SGCZ: variants seen among roughly 807,000 people sequenced by gnomAD.
SGCZ encodes the protein sarcoglycan zeta.
In SGCZ, 40 loss-of-function variants were observed where a neutral mutation model predicts 41.3. The observed-to-expected ratio is 0.97, with a 90% CI of 0.75 to 1.26. The LOEUF is 1.26. Among genes scored for constraint, SGCZ ranks in the 50% most tolerant of loss-of-function variants. SGCZ has a pLI of 0.00. For synonymous variants in SGCZ, 206 were observed against 137.5 expected (o/e 1.50, Z -3.49); for missense variants, 552 against 369.8 (o/e 1.49, Z -4.04).
At chr8:14,796,335 A>G (rs906695622) in intron 1 of SGCZ, among the ~76,000 whole-genome samples, 15 of 152,000 alleles carry the variant, frequency 9.9e-5, no homozygotes, top group African/African-American at 2.9e-4. Context: ...CCAGGCTGGT[A>G]TTGGAACTCC....
rs929501715 is a variant in SGCZ, at chr8:14,741,418, C to G, written c.40-186492G>C. On this transcript the variant is annotated intron_variant, in intron 1 of 7. Transcript: ENST00000382080. ...CATATTTTTCCATTCTATCCTTTCTCTCTTCTAAATAGATGACACTTTTGT... is the reference window on the plus strand; with the variant it reads ...CATATTTTTCCATTCTATCCTTTCTGTCTTCTAAATAGATGACACTTTTGT... Among the ~76,000 whole-genome samples, 4 of 152,030 alleles carry G rather than the reference C, an allele frequency of 2.6e-5. 1 individual carries two copies. The highest frequency in any genetic ancestry group is 4.1e-4 in the South Asian group (2 of 4,834).
At chr8:14,499,750 C>G (rs536183671) in intron 2 of SGCZ, among the ~76,000 whole-genome samples, 1 of 151,780 alleles carries the variant, frequency 6.6e-6, no homozygotes, top group African/African-American at 2.4e-5. Context: ...CTGTATCTTC[C>G]CCTTATCAAT....
At chr8:14,346,843 T>C (rs1802906143) in intron 2 of SGCZ, among the ~76,000 whole-genome samples, 2 of 152,128 alleles carry the variant, frequency 1.3e-5, no homozygotes, top group African/African-American at 2.4e-5. Context: ...GTTATTTTTA[T>C]TTTAAACTAA....
At chr8:14,447,039 G>C (rs1800453148) in intron 2 of SGCZ, among the ~76,000 whole-genome samples, 1 of 152,092 alleles carries the variant, frequency 6.6e-6, no homozygotes, top group Non-Finnish European at 1.5e-5. Context: ...CATTTCAGCA[G>C]TTTTCCGAGA....
In SGCZ at chr8:14,554,790, G is replaced by T. The variant is rs201620785; in HGVS notation, c.176C>A (p.Thr59Asn). The change falls in exon 2 of 8, where the codon ACC becomes AAC. Residue 59 changes from threonine (T) to asparagine (N), a missense_variant. Transcript: ENST00000382080. ...LYFFVLLLLVTMIVNLAMTIW... is the reference protein window; with the variant it reads ...LYFFVLLLLVNMIVNLAMTIW... ...TGTCATGGCTAAGTTAACTATCATG[G>T]TAACCAACAGCAGAAGGACAAAGAA... The T allele has an allele frequency of 8.7e-5, 140 of 1,612,986 alleles. No individual in the cohort carries two copies. The highest frequency in any genetic ancestry group is 1.2e-4 in the Non-Finnish European group (138 of 1,179,508).
intron 1 of SGCZ, among the ~76,000 whole-genome samples, chr8:14,635,977 CAAG>C (rs1806815074): frequency 6.6e-6 from 1 of 151,714 alleles, no homozygotes; most frequent in Non-Finnish European, 1.5e-5. Context: ...AAGTTCTACC[CAAG>C]AAGGTTTGGT....
Position 15,108,479 on chromosome 8 carries a change from G to A in SGCZ, c.39+129106C>T, listed in dbSNP as rs144891305. ...AAATCAAGTGGATTTTGAATGCTATGCTGCATATATTTATATATTCAGTAA... is the reference window on the plus strand; with the variant it reads ...AAATCAAGTGGATTTTGAATGCTATACTGCATATATTTATATATTCAGTAA... On this transcript the variant is annotated intron_variant, in intron 1 of 7. Transcript: ENST00000382080. Among the ~76,000 whole-genome samples the A allele has an allele frequency of 1.6e-3, 238 of 152,290 alleles. 1 individual carries two copies. In the East Asian group the frequency reaches 0.04, roughly 26 times the overall value.
rs532594406 is a variant in SGCZ at position 14,884,486 on chromosome 8, G to T, written c.40-329560C>A. ...ACATTGCCCTTCTTGGTGGGTAGAT[G>T]GTAAAGACCTAACATACACTGGGTG... On this transcript the variant is annotated intron_variant, in intron 1 of 7. Transcript: ENST00000382080. 2.0e-5 allele frequency among the ~76,000 whole-genome samples: 3 copies of T among 151,352 alleles called. No homozygotes were observed. In the South Asian group the frequency reaches 6.4e-4, roughly 32 times the overall value.
At chr8:14,880,624 T>C (rs898797800) in intron 1 of SGCZ, among the ~76,000 whole-genome samples, 39 of 152,198 alleles carry the variant, frequency 2.6e-4, no homozygotes, top group Admixed American at 2.4e-3. Context: ...TATGCAGCCA[T>C]GAAAAACGAT....
chr8:14,290,672 A>G lies in SGCZ; in HGVS notation c.336+33431T>C, dbSNP rs952311190. Among the ~76,000 whole-genome samples the G allele has an allele frequency of 3.9e-5, 6 of 152,150 alleles. No homozygotes were observed. In the East Asian group the frequency reaches 1.2e-3, roughly 29 times the overall value. The stretch of plus-strand genomic sequence containing the variant: ...TCAAGTATGAGTGGCTAGTATATAA[A>G]AATTAAAAGACACCCAGTGTCAATA... On this transcript the variant is annotated intron_variant, in intron 3 of 7. Coordinates refer to ENST00000382080, the MANE Select transcript of SGCZ (RefSeq NM_139167.4).
intron 1 of SGCZ, among the ~76,000 whole-genome samples, chr8:14,986,998 A>C (rs1585440298): frequency 6.6e-6 from 1 of 151,892 alleles, no homozygotes; most frequent in East Asian, 1.9e-4. Flanking sequence ...GATTCATCAT[A>C]ATATAATTTC....
intron 1 of SGCZ, among the ~76,000 whole-genome samples, chr8:14,896,129 A>C (rs959475326): frequency 1.3e-5 from 2 of 152,128 alleles, no homozygotes; most frequent in Non-Finnish European, 2.9e-5. Context: ...AAGTGAAGAA[A>C]CTGCTATGGG....
intron 1 of SGCZ, among the ~76,000 whole-genome samples, chr8:14,719,423 C>T (rs1355722620): frequency 6.0e-5 from 9 of 150,712 alleles, no homozygotes; most frequent in East Asian, 4.0e-4. Context: ...CCTGAGGAAT[C>T]GCCACACTGA....
chr8:14,998,905 T>C (rs1417008778), intron 1 of SGCZ, among the ~76,000 whole-genome samples: 1 of 152,226 alleles, frequency 6.6e-6, no homozygotes. Flanking sequence ...AGGATCACTA[T>C]AGAACTAAAA....
chr8:14,106,331 G>T (rs1043516229), intron 6 of SGCZ, among the ~76,000 whole-genome samples: 5 of 152,236 alleles, frequency 3.3e-5, no homozygotes, highest in African/African-American at 1.2e-4. Context: ...AATGAAGACC[G>T]TAGCATCCTA....
Position 15,044,381 on chromosome 8 carries a change from A to G in SGCZ, c.39+193204T>C, listed in dbSNP as rs551088669. Among the ~76,000 whole-genome samples, 5 of 152,282 alleles carry G rather than the reference A, an allele frequency of 3.3e-5. No homozygotes were observed. In the East Asian group the frequency reaches 9.7e-4, roughly 29 times the overall value. ...AGCTTATTAACTGCCCCAGTGAGAAAGCTGAAACTCTTTGGCAGGCATCCT... is the reference window on the plus strand; with the variant it reads ...AGCTTATTAACTGCCCCAGTGAGAAGGCTGAAACTCTTTGGCAGGCATCCT... On this transcript the variant is annotated intron_variant, in intron 1 of 7. Coordinates refer to ENST00000382080, the MANE Select transcript of SGCZ (RefSeq NM_139167.4).
intron 1 of SGCZ, among the ~76,000 whole-genome samples, chr8:15,075,144 T>C (rs972925613): frequency 4.7e-5 from 7 of 148,710 alleles, no homozygotes; most frequent in Middle Eastern, 7.5e-3. Context: ...TTTCTTTATA[T>C]ATCTCATCTT....
rs1803217602 is a variant in SGCZ, at chr8:15,020,702, T to A, written c.39+216883A>T. 2.0e-5 allele frequency among the ~76,000 whole-genome samples: 3 copies of A among 152,194 alleles called. 1 individual carries two copies. The South Asian group carries it at 6.2e-4, about 31-fold the overall frequency. On this transcript the variant is annotated intron_variant, in intron 1 of 7. Coordinates refer to ENST00000382080, the MANE Select transcript of SGCZ (RefSeq NM_139167.4). ...ATTTATCTTAATTACAAGATAGTTA[T>A]TTGCATTATGGTCAGTACTTCACCT...
intron 3 of SGCZ, among the ~76,000 whole-genome samples, chr8:14,295,658 G>A (rs1402028704): frequency 1.3e-5 from 2 of 152,032 alleles, no homozygotes; most frequent in Admixed American, 1.3e-4. Context: ...ATACATAAAT[G>A]TGACATATTA....
Sources: gnomAD v4.1 joint callset for allele counts (sites outside exome capture counted in the v4.1 genomes callset) on GRCh38, gnomAD v4.1.1 for gene constraint, MANE v1.5 for transcripts, NCBI Gene and HGNC (gene_info 2026-07-23, HGNC 2026-07-21) for gene names.